Variants in PPA2 observed in about 807,000 individuals in gnomAD.
The protein encoded by PPA2 is inorganic pyrophosphatase 2, mitochondrial.
In PPA2, 48 loss-of-function variants were observed where a neutral mutation model predicts 49.5. That is an observed-to-expected ratio of 0.97 (90% CI 0.77 to 1.23). PPA2 has a LOEUF of 1.23. PPA2 is among the 50% of genes most tolerant of loss of function. PPA2 has a pLI of 0.00. For synonymous variants in PPA2, 131 were observed against 139.9 expected (o/e 0.94, Z 0.45); for missense variants, 429 against 410.1 (o/e 1.05, Z -0.40).
rs112265154 is a variant in PPA2, at chr4:105,446,507, G to T, written c.322-5C>A. 3.1e-6 allele frequency: 5 copies of T among 1,597,900 alleles called. No homozygotes were observed. The highest frequency in any genetic ancestry group is 1.3e-5 in the African/African-American group (1 of 74,166). ...CATTGGCTCCTTGGTGGCAATCTAA[G>T]CAAATCACAGAAGGAAGAAAAGGAG... On this transcript the variant is annotated splice_region_variant and splice_polypyrimidine_tract_variant and intron_variant, in intron 4 of 11. Coordinates refer to ENST00000341695, the MANE Select transcript of PPA2 (RefSeq NM_176869.3).
chr4:105,421,071 A>C (rs1262098075), intron 7 of PPA2, among the ~76,000 whole-genome samples: 1 of 152,136 alleles, frequency 6.6e-6, no homozygotes, highest in Non-Finnish European at 1.5e-5. Flanking sequence ...AAAATGTAGA[A>C]ACCAAATGCT....
At chr4:105,442,006 CT>C (rs11429892) in intron 5 of PPA2, among the ~76,000 whole-genome samples, 48,262 of 143,902 alleles carry the variant, frequency 0.34, 7,878 homozygotes, top group African/African-American at 0.36. Flanking sequence ...ACTACCATCA[CT>C]TTTTTTTTTT....
chr4:105,399,248 A>G, intron 7 of PPA2, 84 bp from the exon 8 acceptor site: 1 of 1,346,634 alleles, frequency 7.4e-7, no homozygotes. Context: ...TGAGGGAGCC[A>G]GGAAACATGG....
At chr4:105,405,608 A>G (rs943850313) in intron 7 of PPA2, 28 of 1,008,970 alleles carry the variant, frequency 2.8e-5, no homozygotes, top group Non-Finnish European at 3.2e-5. Flanking sequence ...ATCAGCAAAT[A>G]AAAAGACTCC....
chr4:105,374,847 T>C (rs1006165469), intron 10 of PPA2, among the ~76,000 whole-genome samples: 7 of 151,070 alleles, frequency 4.6e-5, no homozygotes, highest in Non-Finnish European at 8.9e-5. Context: ...TTGTCTTTCT[T>C]TTTCTTTTTT....
chr4:105,405,769 A>T, intron 7 of PPA2: 4 of 610,834 alleles, frequency 6.5e-6, no homozygotes, highest in Non-Finnish European at 1.1e-5. Flanking sequence ...CAAAAACAAG[A>T]TAAGTAACTT....
intron 10 of PPA2, among the ~76,000 whole-genome samples, chr4:105,386,361 A>G (rs914330675): frequency 6.6e-6 from 1 of 152,210 alleles, no homozygotes; most frequent in Non-Finnish European, 1.5e-5. Context: ...GAACTTTCAA[A>G]TACAAAATTT....
At chr4:105,373,005 TTTTG>T (rs777626043) in intron 10 of PPA2, among the ~76,000 whole-genome samples, 2 of 152,174 alleles carry the variant, frequency 1.3e-5, no homozygotes, top group Non-Finnish European at 2.9e-5. Flanking sequence ...ATTTTTATCT[TTTTG>T]TTTGTTTGTT....
At chr4:105,397,897 T>TAAATA (rs1448441414) in intron 8 of PPA2, among the ~76,000 whole-genome samples, 2 of 152,182 alleles carry the variant, frequency 1.3e-5, no homozygotes, top group Non-Finnish European at 2.9e-5. Flanking sequence ...GACTGTGAGC[T>TAAATA]AAATAAACCT....
At chr4:105,403,793 CT>C (rs920992166) in intron 7 of PPA2, among the ~76,000 whole-genome samples, 144 of 152,000 alleles carry the variant, frequency 9.5e-4, no homozygotes, top group African/African-American at 3.1e-3. Context: ...ACGTTTATGA[CT>C]TTTTTTTCCT....
In PPA2 at chr4:105,433,385, A is replaced by G. The variant is rs950968812; in HGVS notation, c.528+4565T>C. Among the ~76,000 whole-genome samples, 6 of 152,328 alleles carry G rather than the reference A, an allele frequency of 3.9e-5. No individual in the cohort carries two copies. In the South Asian group the frequency reaches 8.3e-4, roughly 21 times the overall value. ...TTTCATCTTCCTTAGTCTCCAAATT[A>G]CAGGTAAACAACTAAGCTGCTTCCA... On this transcript the variant is annotated intron_variant, in intron 6 of 11. Transcript: ENST00000341695.
chr4:105,436,109 T>C (rs1178864810), intron 6 of PPA2, among the ~76,000 whole-genome samples: 1 of 152,102 alleles, frequency 6.6e-6, no homozygotes, highest in African/African-American at 2.4e-5. Flanking sequence ...TTCGATAAAG[T>C]TTAAGGATAC....
chr4:105,434,082 C>T (rs1256425726), intron 6 of PPA2, among the ~76,000 whole-genome samples: 1 of 152,158 alleles, frequency 6.6e-6, no homozygotes, highest in African/African-American at 2.4e-5. Context: ...CTTAGCTCGC[C>T]TCCCAAAGTG....
chr4:105,473,685 G>A (rs368952428), intron 1 of PPA2: 10 of 838,010 alleles, frequency 1.2e-5, no homozygotes, highest in Non-Finnish European at 1.8e-5. Flanking sequence ...TCCGCTTTGG[G>A]GTCTTGATCC....
intron 4 of PPA2, 95 bp from the exon 5 acceptor site, chr4:105,446,597 T>G: frequency 1.5e-6 from 2 of 1,341,942 alleles, no homozygotes; most frequent in Non-Finnish European, 2.0e-6. Context: ...ATTTTCAGAC[T>G]AAACATTCAT....
At chr4:105,424,078 T>C in intron 7 of PPA2, 118 bp downstream of exon 7, 1 of 1,076,910 alleles carries the variant, frequency 9.3e-7, no homozygotes. Flanking sequence ...TATCTACATC[T>C]TTTCCTCTCT....
chr4:105,451,224 A>T (rs2110309314), intron 3 of PPA2, among the ~76,000 whole-genome samples: 1 of 152,340 alleles, frequency 6.6e-6, no homozygotes, highest in East Asian at 1.9e-4. Flanking sequence ...AGCATTGCTG[A>T]AGAGTATCAC....
intron 7 of PPA2, chr4:105,423,443 T>C (rs967144283): frequency 3.3e-5 from 5 of 152,122 alleles, no homozygotes; most frequent in African/African-American, 1.2e-4. Context: ...ATAATAATAG[T>C]TGTCATATAT....
chr4:105,426,520 C>T (rs1723517372), intron 6 of PPA2, among the ~76,000 whole-genome samples: 1 of 152,254 alleles, frequency 6.6e-6, no homozygotes, highest in Non-Finnish European at 1.5e-5. Context: ...AACTGACAGA[C>T]CAGGAGATCC....
Sources: allele counts gnomAD v4.1 joint callset (sites outside exome capture counted in the v4.1 genomes callset), GRCh38; gene constraint gnomAD v4.1.1; transcripts MANE v1.5; gene names NCBI Gene and HGNC (gene_info 2026-07-23, HGNC 2026-07-21).